The following CFAP58 variants were observed in gnomAD, a reference collection of about 807,000 sequenced individuals.
The protein encoded by CFAP58 is cilia and flagella associated protein 58.
CFAP58 carries 88 observed loss-of-function variants against 119.5 expected under a neutral mutation model. The observed-to-expected ratio is 0.74, with a 90% CI of 0.62 to 0.88. The LOEUF (loss-of-function observed/expected upper bound fraction) is 0.88. CFAP58 is among the 40% of genes least tolerant of loss of function. The probability of loss-of-function intolerance (pLI) is 0.00; values close to 1 mark genes in which losing one functional copy is unlikely to be tolerated. For missense variants in CFAP58, 990 were observed against 1,021.2 expected (o/e 0.97, Z 0.42); for synonymous variants, 365 against 366.3 (o/e 1.00, Z 0.04).
rs2135255165 is a variant in CFAP58, at chr10:104,365,774, G to A, written c.598-40G>A. On this transcript the variant is annotated intron_variant, in intron 4 of 17. Transcript: ENST00000369704. ...GCTGGCTGAGACCTGCCATGGTCAG[G>A]GCTCATCTCTTTCTCTCTTGTCCTT... 3.2e-6 allele frequency: 5 copies of A among 1,559,540 alleles called. No individual in the cohort carries two copies. The African/African-American group carries it at 5.5e-5, about 17-fold the overall frequency.
chr10:104,446,611 TTAA>T (rs2013116003), intron 15 of CFAP58, among the ~76,000 whole-genome samples: 1 of 152,248 alleles, frequency 6.6e-6, no homozygotes, highest in African/African-American at 2.4e-5. Context: ...AATGTTTCAT[TTAA>T]TGACAGGGCT....
chr10:104,353,798 T>C (rs1295327947), upstream of CFAP58: 15 of 1,452,418 alleles, frequency 1.0e-5, no homozygotes, highest in Non-Finnish European at 1.2e-5. Context: ...GGGCGGGCGA[T>C]AGAGACAGCG....
At chr10:104,379,162 C>A (rs1264501578) in intron 8 of CFAP58, among the ~76,000 whole-genome samples, 1 of 151,984 alleles carries the variant, frequency 6.6e-6, no homozygotes, top group African/African-American at 2.4e-5. Flanking sequence ...ATTCAGCAGC[C>A]ACTCTCTATC....
chr10:104,393,129 G>A (rs2133033208), intron 10 of CFAP58, among the ~76,000 whole-genome samples, 200 bp from the exon 11 acceptor site: 1 of 152,276 alleles, frequency 6.6e-6, no homozygotes, highest in South Asian at 2.1e-4. Context: ...TGTATCTCAT[G>A]AGAATATTTT....
chr10:104,357,737 A>G (rs74760754), intron 1 of CFAP58, among the ~76,000 whole-genome samples: 1 of 151,838 alleles, frequency 6.6e-6, no homozygotes. Flanking sequence ...ATATATATAT[A>G]TGTAATGTGT....
intron 2 of CFAP58, among the ~76,000 whole-genome samples, chr10:104,359,376 C>A (rs2014637260): frequency 1.3e-5 from 2 of 152,192 alleles, no homozygotes; most frequent in Admixed American, 6.5e-5. Context: ...ATTATCAATT[C>A]TCTTAGAAAC....
chr10:104,342,666 CAAAAAAA>C, the CFAP58 span, among the ~76,000 whole-genome samples: 85 of 90,512 alleles, frequency 9.4e-4, no homozygotes, highest in Middle Eastern at 5.5e-3. Flanking sequence ...CCCGTCTATA[CAAAAAAA>C]AAAAAAAAAA....
chr10:104,345,317 G>A, the CFAP58 span, among the ~76,000 whole-genome samples: 1 of 152,104 alleles, frequency 6.6e-6, no homozygotes, highest in South Asian at 2.1e-4. Flanking sequence ...TATTTACATT[G>A]AGGATAAGAA....
chr10:104,389,730 A>G (rs1028101092), intron 9 of CFAP58, among the ~76,000 whole-genome samples: 1 of 152,184 alleles, frequency 6.6e-6, no homozygotes, highest in Non-Finnish European at 1.5e-5. Context: ...CCTGCCATAG[A>G]TGGGTCCTCA....
At chr10:104,454,334 C>T in intron 17 of CFAP58, 88 bp from the exon 18 acceptor site, 4 of 1,007,554 alleles carry the variant, frequency 4.0e-6, no homozygotes, top group Non-Finnish European at 6.2e-6. Flanking sequence ...AAGTAGTTTT[C>T]AGTGGCTAAC....
intron 6 of CFAP58, 139 bp from the exon 7 acceptor site, chr10:104,370,756 T>A: frequency 1.5e-6 from 1 of 653,014 alleles, no homozygotes; most frequent in Non-Finnish European, 2.4e-6. Flanking sequence ...CCAAATTGTG[T>A]GTGCTTGATT....
upstream of CFAP58, among the ~76,000 whole-genome samples, chr10:104,350,465 T>C (rs567060266): frequency 3.6e-4 from 55 of 152,330 alleles, no homozygotes; most frequent in Non-Finnish European, 1.3e-4. Flanking sequence ...CAGCATAAAT[T>C]GATATGTCCG....
At chr10:104,453,963 A>G (rs1264394682) in intron 17 of CFAP58, among the ~76,000 whole-genome samples, 1 of 152,186 alleles carries the variant, frequency 6.6e-6, no homozygotes, top group East Asian at 1.9e-4. Flanking sequence ...GTGTTTTATA[A>G]ATGTCCAAGT....
chr10:104,391,831 G>A (rs1426985128), intron 9 of CFAP58, among the ~76,000 whole-genome samples: 1 of 152,222 alleles, frequency 6.6e-6, no homozygotes, highest in Non-Finnish European at 1.5e-5. Flanking sequence ...TAAGCAGCCA[G>A]TGTGGCCAAA....
chr10:104,403,243 T>C (rs1466817593), intron 13 of CFAP58, among the ~76,000 whole-genome samples: 5 of 152,110 alleles, frequency 3.3e-5, no homozygotes, highest in African/African-American at 1.2e-4. Context: ...TAACTGGGAG[T>C]TCCCCTAGAG....
intron 1 of CFAP58, among the ~76,000 whole-genome samples, chr10:104,357,855 A>ATGTACATATATATACATATATG (rs1225155908): frequency 2.1e-5 from 1 of 46,726 alleles, no homozygotes; most frequent in African/African-American, 9.4e-5. Flanking sequence ...GTACACATAT[A>ATGTACATATATATACATATATG]TACACATATA....
At chr10:104,447,162 G>T (rs2013122636) in intron 15 of CFAP58, among the ~76,000 whole-genome samples, 3 of 149,700 alleles carry the variant, frequency 2.0e-5, no homozygotes, top group African/African-American at 7.4e-5. Flanking sequence ...GCTAATTTTT[G>T]TATTTTTCTT....
chr10:104,378,991 CA>C lies in CFAP58; in HGVS notation c.1174-1037del, dbSNP rs1564885009. ...AGAAACTTCGGAGTTGGAACATGAG[CA>C]TCTGCATTTTTAAAAAACTGAGTTA... On this transcript the variant is annotated intron_variant, in intron 8 of 17. Transcript: ENST00000369704. 2.3e-3 allele frequency among the ~76,000 whole-genome samples: 346 copies of C among 151,740 alleles called. 2 individuals are homozygous for C. Among genetic ancestry groups the C allele is most frequent in the African/African-American group, 8.0e-3 (331 of 41,356 alleles).
At chr10:104,353,573 C>T (rs2014494142), upstream of CFAP58, 2 of 371,910 alleles carry the variant, frequency 5.4e-6, no homozygotes, top group African/African-American at 2.0e-5. Flanking sequence ...TCTCCATCTG[C>T]CCACACCGTG....
Sources: allele counts gnomAD v4.1 joint callset (sites outside exome capture counted in the v4.1 genomes callset), GRCh38; gene constraint gnomAD v4.1.1; transcripts MANE v1.5; gene names NCBI Gene and HGNC (gene_info 2026-07-23, HGNC 2026-07-21).